The following PCDH9 variants were observed in gnomAD, a reference collection of about 807,000 sequenced individuals.
PCDH9 encodes the protein protocadherin-9.
Under a neutral mutation model 70.6 loss-of-function variants are expected in PCDH9, and 24 were observed. The observed-to-expected ratio is 0.34, with a 90% CI of 0.25 to 0.48. PCDH9 has a LOEUF of 0.48. PCDH9 is among the 20% of genes least tolerant of loss of function. The pLI, the probability that PCDH9 is intolerant of heterozygous loss-of-function variation, is 0.99. For synonymous variants in PCDH9, 562 were observed against 558.5 expected (o/e 1.01, Z -0.09); for missense variants, 1,281 against 1,503.6 (o/e 0.85, Z 2.45).
chr13:66,511,634 T>C (rs1159548053), intron 4 of PCDH9, among the ~76,000 whole-genome samples: 1 of 152,160 alleles, frequency 6.6e-6, no homozygotes. Flanking sequence ...TGGGAAGTGA[T>C]TGGATCATGG....
chr13:66,816,718 C>T (rs748536749), intron 3 of PCDH9, among the ~76,000 whole-genome samples: 7 of 152,080 alleles, frequency 4.6e-5, no homozygotes, highest in East Asian at 1.9e-4. Context: ...GTCAAGAGTT[C>T]GAGACCAGTG....
rs570611746 is a variant in PCDH9 at position 66,672,620 on chromosome 13, C to T, written c.3139-41209G>A. Among the ~76,000 whole-genome samples, 5 of 152,346 alleles carry T rather than the reference C, an allele frequency of 3.3e-5. No homozygotes were observed. The South Asian group carries it at 6.2e-4, about 19-fold the overall frequency. Reference sequence around the variant, plus strand: ...TTGCACCATGTGCCTGGAAAAGCTGCACACACTCAACATCAGCCTGTGAAA... The same window carrying T: ...TTGCACCATGTGCCTGGAAAAGCTGTACACACTCAACATCAGCCTGTGAAA... On this transcript the variant is annotated intron_variant, in intron 3 of 4. Transcript: ENST00000377865.
At position 67,201,436 on chromosome 13, in the gene PCDH9, C is replaced by T. The variant is rs545524568; in HGVS notation, c.3036+23969G>A. The T allele has an allele frequency of 5.9e-5, 9 of 152,054 alleles. No individual in the cohort carries two copies. In the South Asian group the frequency reaches 1.2e-3, roughly 21 times the overall value. The allele number at this position is 152,054 out of a possible 1,614,324, so 9.4% of individuals were successfully genotyped here. A position where few individuals can be genotyped will look rare whatever the true frequency, so the allele number is the denominator to read the frequency against. Reference sequence around the variant, plus strand: ...TAATTGTGTGTTTACCACTGTTGAGCAAATATAGGTATTAAGATGCATCCC... The same window carrying T: ...TAATTGTGTGTTTACCACTGTTGAGTAAATATAGGTATTAAGATGCATCCC... On this transcript the variant is annotated intron_variant, in intron 2 of 4. Transcript: ENST00000377865.
intron 2 of PCDH9, among the ~76,000 whole-genome samples, chr13:66,955,686 C>T (rs904241025): frequency 6.6e-6 from 1 of 152,096 alleles, no homozygotes; most frequent in Non-Finnish European, 1.5e-5. Flanking sequence ...GAGGGATGAA[C>T]TAACATTTGC....
intron 4 of PCDH9, among the ~76,000 whole-genome samples, chr13:66,379,398 A>G (rs1343874086): frequency 6.6e-6 from 1 of 152,242 alleles, no homozygotes; most frequent in African/African-American, 2.4e-5. Flanking sequence ...GGCTTTAAGT[A>G]TTATATATTT....
chr13:66,948,968 C>T (rs192339619), intron 2 of PCDH9, among the ~76,000 whole-genome samples: 4 of 151,942 alleles, frequency 2.6e-5, no homozygotes, highest in East Asian at 1.9e-4. Context: ...TTAGAGCACA[C>T]GATTTAATCT....
chr13:67,190,958 T>A, intron 2 of PCDH9, among the ~76,000 whole-genome samples: 1 of 152,108 alleles, frequency 6.6e-6, no homozygotes, highest in African/African-American at 2.4e-5. Context: ...ATTTTTCTTC[T>A]TACTGAAAAA....
chr13:66,955,935 T>TA (rs1230316701), intron 2 of PCDH9, among the ~76,000 whole-genome samples: 1 of 151,944 alleles, frequency 6.6e-6, no homozygotes, highest in East Asian at 1.9e-4. Flanking sequence ...CTACTAAAAA[T>TA]AAAAAATAAA....
intron 3 of PCDH9, among the ~76,000 whole-genome samples, chr13:66,680,079 T>C (rs2139057299): frequency 6.6e-6 from 1 of 152,108 alleles, no homozygotes; most frequent in Middle Eastern, 3.4e-3. Flanking sequence ...AACTTCTGGA[T>C]TCCTTTGGCA....
chr13:66,678,667 G>A (rs2078276476), intron 3 of PCDH9, among the ~76,000 whole-genome samples: 1 of 151,926 alleles, frequency 6.6e-6, no homozygotes, highest in African/African-American at 2.4e-5. Flanking sequence ...ACCTATTTAT[G>A]TGCAAAGCCA....
intron 2 of PCDH9, among the ~76,000 whole-genome samples, chr13:67,144,192 G>T (rs1354625422): frequency 6.6e-6 from 1 of 152,086 alleles, no homozygotes; most frequent in Non-Finnish European, 1.5e-5. Context: ...CTCCAAAAGA[G>T]GATTTTAATT....
intron 4 of PCDH9, among the ~76,000 whole-genome samples, chr13:66,457,005 A>T (rs1179950919): frequency 6.6e-6 from 1 of 152,098 alleles, no homozygotes; most frequent in Admixed American, 6.6e-5. Context: ...TACTATCCTG[A>T]ATTTAGTAAA....
intron 3 of PCDH9, among the ~76,000 whole-genome samples, chr13:66,794,370 G>C (rs1052108928): frequency 6.6e-6 from 1 of 152,058 alleles, no homozygotes; most frequent in Non-Finnish European, 1.5e-5. Flanking sequence ...CACCAATTTA[G>C]ATTTTCAGTT....
At chr13:66,572,805 G>T (rs2076751692) in intron 4 of PCDH9, among the ~76,000 whole-genome samples, 1 of 151,892 alleles carries the variant, frequency 6.6e-6, no homozygotes, top group Non-Finnish European at 1.5e-5. Flanking sequence ...TATCACTCAG[G>T]CTGGAGTGCA....
At chr13:66,787,749 A>T (rs2080102344) in intron 3 of PCDH9, among the ~76,000 whole-genome samples, 1 of 152,200 alleles carries the variant, frequency 6.6e-6, no homozygotes, top group Non-Finnish European at 1.5e-5. Context: ...TCACCAAAAG[A>T]GAATTTTTCT....
At chr13:66,423,926 C>T (rs1038822689) in intron 4 of PCDH9, among the ~76,000 whole-genome samples, 5 of 151,974 alleles carry the variant, frequency 3.3e-5, no homozygotes, top group Non-Finnish European at 7.4e-5. Context: ...TTTAGAAAAC[C>T]CCGTCATCTT....
intron 2 of PCDH9, among the ~76,000 whole-genome samples, chr13:67,031,471 G>T (rs971383328): frequency 5.3e-5 from 8 of 152,230 alleles, no homozygotes; most frequent in Admixed American, 1.3e-4. Context: ...TTGGTAGACA[G>T]AAGCAGGCGG....
chr13:66,749,302 C>T (rs1356291154), intron 3 of PCDH9, among the ~76,000 whole-genome samples: 1 of 152,176 alleles, frequency 6.6e-6, no homozygotes, highest in South Asian at 2.1e-4. Context: ...GCATTTTAGA[C>T]AATCATCAGC....
At chr13:67,043,759 C>T (rs1415169985) in intron 2 of PCDH9, among the ~76,000 whole-genome samples, 1 of 152,080 alleles carries the variant, frequency 6.6e-6, no homozygotes, top group Non-Finnish European at 1.5e-5. Flanking sequence ...TCTGTAGTGG[C>T]TTCATCAGAA....
Sources: allele counts gnomAD v4.1 joint callset (sites outside exome capture counted in the v4.1 genomes callset), GRCh38; gene constraint gnomAD v4.1.1; transcripts MANE v1.5; gene names NCBI Gene and HGNC (gene_info 2026-07-23, HGNC 2026-07-21).